Variants in RASA2 observed in about 807,000 individuals in gnomAD.
RASA2 encodes the protein RAS p21 protein activator 2, also known as ras GTPase-activating protein 2.
In RASA2, 155 loss-of-function variants were observed where a neutral mutation model predicts 118.2. The ratio of observed to expected loss-of-function variants is 1.31; its 90% CI spans 1.15 to 1.50. The LOEUF is 1.50. Ranked by LOEUF, RASA2 falls within the 40% of genes most tolerant of loss-of-function variation. RASA2 has a pLI of 0.00. For missense variants in RASA2, 1,016 were observed against 1,009.6 expected (o/e 1.01, Z -0.09); for synonymous variants, 353 against 349.1 (o/e 1.01, Z -0.12).
chr3:141,612,144 C>G (rs2083662523), intron 23 of RASA2, 139 bp from the exon 24 acceptor site: 4 of 671,428 alleles, frequency 6.0e-6, no homozygotes, highest in Non-Finnish European at 1.0e-5. Flanking sequence ...TCAGTAAGTA[C>G]TCATTGAATT....
rs772746063 is a variant in RASA2, at chr3:141,558,936, G to A, written c.735G>A (p.Glu245=). Reference sequence around the variant, plus strand: ...GAAAGTCCCAGTTCCAGGTAGAAGAGGAGGACATTGAAAAGCTAGAAATCA... The same window carrying A: ...GAAAGTCCCAGTTCCAGGTAGAAGAAGAGGACATTGAAAAGCTAGAAATCA... The part of the protein sequence containing the change: ...YTRKSQFQVE[E]EDIEKLEIRI... The change falls in exon 8 of 24, where the codon GAG becomes GAA. Residue 245 remains glutamate (E), a synonymous_variant. Coordinates refer to ENST00000286364, the MANE Select transcript of RASA2 (RefSeq NM_006506.5). The A allele has an allele frequency of 6.2e-7, 1 of 1,606,848 alleles. No homozygotes were observed. Among genetic ancestry groups the A allele is most frequent in the Admixed American group, 1.7e-5 (1 of 59,970 alleles).
At chr3:141,537,704 G>T (rs940634761) in intron 4 of RASA2, among the ~76,000 whole-genome samples, 19 of 152,178 alleles carry the variant, frequency 1.2e-4, no homozygotes, top group African/African-American at 4.6e-4. Flanking sequence ...GGGAGGCAGA[G>T]GTTGCAGTGA....
intron 5 of RASA2, among the ~76,000 whole-genome samples, chr3:141,542,985 T>C (rs1353157223): frequency 6.6e-6 from 1 of 152,158 alleles, no homozygotes; most frequent in Non-Finnish European, 1.5e-5. Flanking sequence ...AAAAATCATT[T>C]TTGCCAATCT....
chr3:141,592,743 CAAGTT>C (rs1020255407), intron 19 of RASA2, among the ~76,000 whole-genome samples: 3 of 151,158 alleles, frequency 2.0e-5, no homozygotes, highest in Admixed American at 1.3e-4. Flanking sequence ...GAGAAAAAGG[CAAGTT>C]AAGGATAATT....
intron 19 of RASA2, among the ~76,000 whole-genome samples, chr3:141,597,091 T>C (rs1577810649): frequency 6.6e-6 from 1 of 152,184 alleles, no homozygotes; most frequent in East Asian, 1.9e-4. Flanking sequence ...ATGATATATA[T>C]ATGCAATAGA....
intron 4 of RASA2, among the ~76,000 whole-genome samples, chr3:141,530,503 G>A (rs2082244838): frequency 1.3e-5 from 2 of 151,940 alleles, no homozygotes; most frequent in South Asian, 4.1e-4. Flanking sequence ...AATATGGTAA[G>A]GATTGTGAAA....
chr3:141,551,503 G>T (rs1342358450), intron 5 of RASA2, among the ~76,000 whole-genome samples: 2 of 152,158 alleles, frequency 1.3e-5, no homozygotes, highest in Non-Finnish European at 2.9e-5. Context: ...GCTCCCTGGA[G>T]GTTTTTCTTT....
intron 1 of RASA2, among the ~76,000 whole-genome samples, chr3:141,498,504 G>C (rs943223274): frequency 6.6e-6 from 1 of 152,140 alleles, no homozygotes; most frequent in Non-Finnish European, 1.5e-5. Flanking sequence ...AATTATTTTA[G>C]CTGCCTAACT....
rs1034798466 is a variant in RASA2 at position 141,588,762 on chromosome 3, G to C, written c.1933+2010G>C. On this transcript the variant is annotated intron_variant, in intron 19 of 23. Transcript: ENST00000286364. The stretch of plus-strand genomic sequence containing the variant: ...ATTATACTTTTGGGTATATTACTCA[G>C]ATAATTTGTTACAACATTTACATAC... Among the ~76,000 whole-genome samples, 4 of 152,200 alleles carry C rather than the reference G, an allele frequency of 2.6e-5. 1 individual carries two copies.
intron 19 of RASA2, among the ~76,000 whole-genome samples, chr3:141,592,456 G>A (rs2083300496): frequency 6.6e-6 from 1 of 152,194 alleles, no homozygotes; most frequent in Non-Finnish European, 1.5e-5. Flanking sequence ...GACCTTGTGG[G>A]CTTTTACTTT....
chr3:141,612,573 G>A lies in RASA2; in HGVS notation c.*260G>A, dbSNP rs921580597. The A allele has an allele frequency of 2.3e-5, 8 of 340,856 alleles. No homozygotes were observed. Among genetic ancestry groups the A allele is most frequent in the African/African-American group, 1.1e-4 (5 of 45,864 alleles). The allele number at this position is 340,856 out of a possible 1,614,324, so 21.1% of individuals were successfully genotyped here. A position where few individuals can be genotyped will look rare whatever the true frequency, so the allele number is the denominator to read the frequency against. The stretch of plus-strand genomic sequence containing the variant: ...ATGTTTCTGCAACTTCTTTTTAATC[G>A]AAAGAATCTTCCTAGAAAAGCTTTG... On this transcript the variant is annotated 3_prime_UTR_variant, in exon 24 of 24. Coordinates refer to ENST00000286364, the MANE Select transcript of RASA2 (RefSeq NM_006506.5).
intron 19 of RASA2, among the ~76,000 whole-genome samples, chr3:141,604,286 C>T (rs2083513116): frequency 6.6e-6 from 1 of 151,964 alleles, no homozygotes; most frequent in African/African-American, 2.4e-5. Flanking sequence ...TTATTTTTCC[C>T]TTCCTTTTTA....
At chr3:141,499,571 A>G (rs118046209) in intron 1 of RASA2, among the ~76,000 whole-genome samples, 2,236 of 152,312 alleles carry the variant, frequency 0.015, 22 homozygotes, top group South Asian at 0.053. Context: ...GTTCTTAGGC[A>G]GAACCAGATT....
intron 4 of RASA2, among the ~76,000 whole-genome samples, chr3:141,535,399 G>A (rs2082313716): frequency 6.6e-6 from 1 of 152,074 alleles, no homozygotes; most frequent in Non-Finnish European, 1.5e-5. Context: ...TATTTTATAT[G>A]GAAATGGTTG....
At chr3:141,582,240 G>T (rs2083125908) in intron 17 of RASA2, among the ~76,000 whole-genome samples, 1 of 152,134 alleles carries the variant, frequency 6.6e-6, no homozygotes, top group Non-Finnish European at 1.5e-5. Context: ...GAAAAATGAT[G>T]ATTTAAAAAA....
chr3:141,537,964 A>G (rs150472255), intron 4 of RASA2, among the ~76,000 whole-genome samples: 137 of 152,242 alleles, frequency 9.0e-4, no homozygotes, highest in Middle Eastern at 6.8e-3. Context: ...TCCTCTAGAG[A>G]AGAAGTATGA....
At chr3:141,559,083 T>C in intron 8 of RASA2, 121 bp downstream of exon 8, 1 of 723,560 alleles carries the variant, frequency 1.4e-6, no homozygotes, top group Non-Finnish European at 2.2e-6. Flanking sequence ...TTGATGAAAC[T>C]TAGAGGAATA....
chr3:141,610,360 TA>T (rs1400373263), intron 23 of RASA2, among the ~76,000 whole-genome samples: 1 of 124,188 alleles, frequency 8.1e-6, no homozygotes, highest in East Asian at 2.3e-4. Flanking sequence ...TATATTTATA[TA>T]TTATATATTT....
intron 1 of RASA2, among the ~76,000 whole-genome samples, chr3:141,490,311 C>G (rs372337276): frequency 7.5e-6 from 1 of 133,232 alleles, no homozygotes; most frequent in Non-Finnish European, 1.5e-5. Context: ...ACCTGAAACA[C>G]ATTTGCATGC....
Sources: allele counts gnomAD v4.1 joint callset (sites outside exome capture counted in the v4.1 genomes callset), GRCh38; gene constraint gnomAD v4.1.1; transcripts MANE v1.5; gene names NCBI Gene and HGNC (gene_info 2026-07-23, HGNC 2026-07-21).